SAV1: variants seen among roughly 807,000 people sequenced by gnomAD.
SAV1 encodes protein salvador homolog 1.
Under a neutral mutation model 47.3 loss-of-function variants are expected in SAV1, and 23 were observed. The ratio of observed to expected loss-of-function variants is 0.49; its 90% confidence interval spans 0.35 to 0.69. The LOEUF is 0.69. Among genes scored for constraint, SAV1 ranks in the 30% least tolerant of loss-of-function variants. The probability of loss-of-function intolerance (pLI) is 0.01; values close to 1 mark genes in which losing one functional copy is unlikely to be tolerated. For synonymous variants in SAV1, 155 were observed against 159.2 expected (o/e 0.97, Z 0.20); for missense variants, 448 against 457.4 (o/e 0.98, Z 0.19).
chr14:50,647,755 T>C (rs2039734966), intron 2 of SAV1, among the ~76,000 whole-genome samples: 1 of 152,266 alleles, frequency 6.6e-6, no homozygotes, highest in African/African-American at 2.4e-5. Flanking sequence ...TACACGTCTA[T>C]GAAAATGGCC....
intron 3 of SAV1, among the ~76,000 whole-genome samples, chr14:50,643,874 T>G (rs2039700080): frequency 6.6e-6 from 1 of 152,222 alleles, no homozygotes. Context: ...ATAACTATTT[T>G]AATGGTTCTA....
chr14:50,658,150 T>C (rs2039828792), intron 2 of SAV1, among the ~76,000 whole-genome samples: 1 of 152,220 alleles, frequency 6.6e-6, no homozygotes, highest in Non-Finnish European at 1.5e-5. Context: ...CTCTAAAGAT[T>C]ATCAACCCCT....
At position 50,646,277 on chromosome 14, in the gene SAV1, T is replaced by C. The variant is rs143486871; in HGVS notation, c.536-1263A>G. The stretch of plus-strand genomic sequence containing the variant: ...AAAAACTGGGTGAATGTAATCTCTC[T>C]CCCTCTCTCTTGAAAGATCTTGTAC... On this transcript the variant is annotated intron_variant, in intron 2 of 4. Transcript: ENST00000324679. 7.8e-3 allele frequency among the ~76,000 whole-genome samples: 1,191 copies of C among 152,336 alleles called. 21 individuals carry two copies. The highest frequency in any genetic ancestry group is 0.027 in the African/African-American group (1,111 of 41,572).
chr14:50,645,085 A>G (rs1207003933), intron 2 of SAV1, 71 bp from the exon 3 acceptor site: 16 of 1,348,326 alleles, frequency 1.2e-5, no homozygotes, highest in African/African-American at 1.5e-5. Context: ...GCCAGCTAGC[A>G]AAGTCACAAC....
chr14:50,646,131 T>C (rs548303023), intron 2 of SAV1, among the ~76,000 whole-genome samples: 5 of 152,312 alleles, frequency 3.3e-5, no homozygotes, highest in Admixed American at 2.0e-4. Context: ...AAACTGCAGA[T>C]AGTACCTAAC....
chr14:50,642,912 C>T (rs2140250437), intron 3 of SAV1, among the ~76,000 whole-genome samples: 1 of 152,350 alleles, frequency 6.6e-6, no homozygotes, highest in African/African-American at 2.4e-5. Context: ...ATTTGAACCA[C>T]AGCTTTAACA....
chr14:50,645,065 C>A (rs780912575), intron 2 of SAV1, 51 bp from the exon 3 acceptor site: 1 of 1,517,784 alleles, frequency 6.6e-7, no homozygotes, highest in South Asian at 1.2e-5. Context: ...TTATTCAATG[C>A]AAAAAATGTG....
intron 2 of SAV1, among the ~76,000 whole-genome samples, chr14:50,654,043 C>T (rs1245044014): frequency 6.6e-6 from 1 of 152,136 alleles, no homozygotes; most frequent in African/African-American, 2.4e-5. Flanking sequence ...TGGAGGGTCC[C>T]GTCTCCATAT....
chr14:50,635,488 T>A, intron 4 of SAV1, 104 bp from the exon 5 acceptor site: 1 of 883,612 alleles, frequency 1.1e-6, no homozygotes, highest in Non-Finnish European at 1.7e-6. Context: ...TATTTATAAC[T>A]AAACAAACCA....
intron 2 of SAV1, among the ~76,000 whole-genome samples, chr14:50,658,357 T>C (rs1484759489): frequency 4.6e-5 from 7 of 152,248 alleles, no homozygotes; most frequent in Admixed American, 1.3e-4. Flanking sequence ...CTGCCTTTAG[T>C]ATTCCAACTA....
chr14:50,665,840 T>C (rs1443065702), intron 1 of SAV1, among the ~76,000 whole-genome samples: 1 of 152,182 alleles, frequency 6.6e-6, no homozygotes, highest in Non-Finnish European at 1.5e-5. Flanking sequence ...TAATGGACTA[T>C]GCGTAAAAGC....
intron 1 of SAV1, chr14:50,667,632 T>G (rs1172207799): frequency 1.6e-5 from 8 of 492,252 alleles, no homozygotes; most frequent in Non-Finnish European, 2.9e-5. Flanking sequence ...GGCGAGGAAG[T>G]CTGTTATTTT....
At position 50,665,580 on chromosome 14, in the gene SAV1, G is replaced by T; in HGVS notation, c.134C>A (p.Pro45Gln). 6.2e-7 allele frequency: 1 copy of T among 1,613,082 alleles called. No individual in the cohort carries two copies. Among genetic ancestry groups the T allele is most frequent in the South Asian group, 1.1e-5 (1 of 90,998 alleles). Reference protein sequence around the residue: ...PSFIRHGPTIPRRTDICLPDS... With the variant: ...PSFIRHGPTIQRRTDICLPDS... ...TGGAAGACAGATATCAGTTCGTCTT[G>T]GAATTGTTGGACCATGCCGGATGAA... is the stretch of plus-strand genomic sequence containing the variant. The change falls in exon 2 of 5, where the codon CCA becomes CAA. Residue 45 changes from proline to glutamine, a missense_variant. By Grantham distance (76) the Pro-to-Gln change is moderately conservative. Transcript: ENST00000324679.
chr14:50,665,079 T>C, intron 2 of SAV1, 100 bp downstream of exon 2: 3 of 1,440,502 alleles, frequency 2.1e-6, no homozygotes, highest in Non-Finnish European at 2.8e-6. Flanking sequence ...ATTTCGCTAG[T>C]AGTATTTGTT....
intron 3 of SAV1, among the ~76,000 whole-genome samples, chr14:50,642,781 G>A (rs2039690881): frequency 6.6e-6 from 1 of 152,142 alleles, no homozygotes; most frequent in South Asian, 2.1e-4. Context: ...AGATCAATAT[G>A]CAAATGGAAC....
intron 3 of SAV1, among the ~76,000 whole-genome samples, chr14:50,641,935 A>G (rs929604163): frequency 2.6e-5 from 4 of 152,196 alleles, no homozygotes; most frequent in African/African-American, 9.7e-5. Flanking sequence ...ACTATTCACA[A>G]TAGCAAAGAT....
chr14:50,646,473 G>A (rs925690858), intron 2 of SAV1, among the ~76,000 whole-genome samples: 23 of 152,136 alleles, frequency 1.5e-4, no homozygotes, highest in African/African-American at 5.3e-4. Context: ...ATCACCTGAG[G>A]TCCGGAGTTT....
intron 2 of SAV1, among the ~76,000 whole-genome samples, chr14:50,653,255 C>T (rs1595645416): frequency 6.6e-6 from 1 of 152,052 alleles, no homozygotes; most frequent in Admixed American, 6.5e-5. Flanking sequence ...CCAAATAAAG[C>T]TTGGCGTTAA....
Position 50,635,335 on chromosome 14 carries a change from T to C in SAV1, c.1000A>G (p.Thr334Ala). 2 of 1,614,094 alleles carry C rather than the reference T, an allele frequency of 1.2e-6. No homozygotes were observed. Among genetic ancestry groups the C allele is most frequent in the Admixed American group, 1.7e-5 (1 of 60,032 alleles). Residue 334 changes from threonine to alanine, a missense_variant, in exon 5 of 5, where the codon ACA becomes GCA. Transcript: ENST00000324679. ...WELFQLADLD[T>A]YQGMLKLLFM... Reference sequence around the variant, plus strand: ...AGCAACTTTAGCATTCCCTGGTATGTATCCAGGTCAGCCAGCTGGAAGAGT... The same window carrying C: ...AGCAACTTTAGCATTCCCTGGTATGCATCCAGGTCAGCCAGCTGGAAGAGT...
Sources: gnomAD v4.1 joint callset for allele counts (sites outside exome capture counted in the v4.1 genomes callset) on GRCh38, gnomAD v4.1.1 for gene constraint, MANE v1.5 for transcripts, NCBI Gene and HGNC (gene_info 2026-07-23, HGNC 2026-07-21) for gene names.